The following DMD variants were observed in gnomAD, a reference collection of about 807,000 sequenced individuals.
DMD encodes dystrophin.
Under a neutral mutation model 330.1 loss-of-function variants are expected in DMD, and 63 were observed. That is an observed-to-expected ratio of 0.19 (90% CI 0.16 to 0.24). DMD has a LOEUF of 0.24. Ranked by LOEUF, DMD falls within the 10% of genes least tolerant of loss-of-function variation. The probability of loss-of-function intolerance (pLI) is 1.00; values close to 1 mark genes in which losing one functional copy is unlikely to be tolerated. For missense variants in DMD, 3,344 were observed against 2,684.1 expected, an observed-to-expected ratio of 1.25 and a Z score of -5.43; for synonymous variants, 1,223 against 959.8, an observed-to-expected ratio of 1.27 and a Z score of -5.07.
intron 55 of DMD, among the ~76,000 whole-genome samples, chrX:31,601,223 A>G (rs1603418922): frequency 8.9e-6 from 1 of 112,585 alleles, no homozygotes; most frequent in Non-Finnish European, 1.9e-5. Context: ...GTGTCTCAAC[A>G]CAAAACCAGT....
intron 67 of DMD, among the ~76,000 whole-genome samples, chrX:31,185,236 A>G (rs1237473802): frequency 8.9e-6 from 1 of 111,791 alleles, no homozygotes; most frequent in Non-Finnish European, 1.9e-5. Flanking sequence ...AGAGTCTTTA[A>G]TCAGCTGTGG....
chrX:32,573,643 A>G lies in DMD; in HGVS notation c.1705-6T>C. ...AGCCATGCACTAAAAAGGCACTGCA[A>G]GACATTAAAGAATTCCAAGGAATAA... On this transcript the variant is annotated splice_polypyrimidine_tract_variant and splice_region_variant and intron_variant, in intron 14 of 78. Coordinates refer to ENST00000357033, the MANE Select transcript of DMD (RefSeq NM_004006.3). The G allele has an allele frequency of 1.0e-5, 12 of 1,200,546 alleles. No homozygotes were observed. Among genetic ancestry groups the G allele is most frequent in the Non-Finnish European group, 1.4e-5 (12 of 885,067 alleles).
intron 2 of DMD, among the ~76,000 whole-genome samples, chrX:32,993,379 G>A (rs754679831): frequency 5.4e-5 from 6 of 110,390 alleles, no homozygotes; most frequent in African/African-American, 9.8e-5. Context: ...TGAGGCGGGC[G>A]GACTGCCTGA....
At chrX:32,677,701 TAGC>T (rs1185579430) in intron 9 of DMD, among the ~76,000 whole-genome samples, 1 of 111,621 alleles carries the variant, frequency 9.0e-6, no homozygotes, top group Non-Finnish European at 1.9e-5. Flanking sequence ...GATTTATACT[TAGC>T]AGCTCAATTT....
intron 56 of DMD, 59 bp downstream of exon 56, chrX:31,507,222 G>A: frequency 8.8e-7 from 1 of 1,132,900 alleles, no homozygotes; most frequent in South Asian, 1.8e-5. Context: ...CTAAGACAAT[G>A]AGGAAAATTT....
chrX:31,774,117 G>A lies in DMD; in HGVS notation c.7385C>T (p.Pro2462Leu), dbSNP rs2090513117. 8.3e-7 allele frequency: 1 copy of A among 1,210,844 alleles called. No individual in the cohort carries two copies. The highest frequency in any genetic ancestry group is 1.1e-6 in the Non-Finnish European group (1 of 895,054). ...KETAISKLEM[P>L]SSLMLEVPAL... The stretch of plus-strand genomic sequence containing the variant: ...AGGTACCTCCAACATCAAGGAAGAT[G>A]GCATTTCTAGTTTGGAGATGGCAGT... The change falls in exon 51 of 79, where the codon CCA becomes CTA. Residue 2462 changes from proline (P) to leucine (L), a missense_variant. Physicochemically the swap from Pro to Leu is moderately conservative, Grantham distance 98 (BLOSUM62 -3). Transcript: ENST00000357033.
At chrX:32,007,048 T>A (rs1314639872) in intron 44 of DMD, among the ~76,000 whole-genome samples, 5 of 70,605 alleles carry the variant, frequency 7.1e-5, no homozygotes, top group African/African-American at 2.3e-4. Context: ...AATGGGAACA[T>A]CACACTCTGG....
chrX:32,346,644 T>C (rs1032917344), intron 38 of DMD, among the ~76,000 whole-genome samples: 1 of 111,439 alleles, frequency 9.0e-6, no homozygotes, highest in Non-Finnish European at 1.9e-5. Context: ...TTAATAAAAA[T>C]CATGTGCTAA....
At chrX:31,889,616 CTCTG>C (rs1489451931) in intron 47 of DMD, among the ~76,000 whole-genome samples, 1 of 69,777 alleles carries the variant, frequency 1.4e-5, no homozygotes, top group African/African-American at 5.9e-5. Context: ...TAATCTCTCT[CTCTG>C]TCTCTCTCTC....
intron 1 of DMD, among the ~76,000 whole-genome samples, chrX:33,045,561 T>C (rs2094368487): frequency 9.0e-6 from 1 of 110,904 alleles, no homozygotes; most frequent in African/African-American, 3.3e-5. Flanking sequence ...TAAAAGTTTT[T>C]ACCTGCTCTA....
chrX:31,429,445 C>T (rs2063910018), intron 60 of DMD, among the ~76,000 whole-genome samples: 1 of 111,527 alleles, frequency 9.0e-6, no homozygotes, highest in Admixed American at 9.6e-5. Flanking sequence ...GGATCTTCGG[C>T]CAACAGCTGG....
Position 32,501,789 on chromosome X carries a change from T to A in DMD, c.2346A>T (p.Arg782Ser), listed in dbSNP as rs150692967. 7 of 1,208,021 alleles carry A rather than the reference T, an allele frequency of 5.8e-6. No individual in the cohort carries two copies. The African/African-American group carries it at 1.2e-4, about 21-fold the overall frequency. The change falls in exon 19 of 79, where the codon AGA becomes AGT. Residue 782 changes from arginine to serine, a missense_variant. Physicochemically the swap from Arg to Ser is moderately radical, Grantham distance 110 (BLOSUM62 -1). Transcript: ENST00000357033. ...TCTGTTCCACCAGGGCCTGAGCTGA[T>A]CTGCTGGCATCTTGCAGTTTTCTGA... ...EKFRKLQDAS[R>S]SAQALVEQMV...
intron 60 of DMD, among the ~76,000 whole-genome samples, chrX:31,382,238 G>A (rs769016427): frequency 2.7e-4 from 30 of 111,635 alleles, no homozygotes; most frequent in Non-Finnish European, 5.3e-4. Context: ...ATTCAGGCCT[G>A]TCCTCAGAAT....
rs35180404 is a variant in DMD at position 32,975,346 on chromosome X, CTTTTTTTTTTTTTT to C, written c.93+44779_93+44792del. ...TTTGCTTTTTAAACTTTAAAAAATG[CTTTTTTTTTTTTTT>C]TTTTTTTTTGAAACCCTGAAAAAGT... On this transcript the variant is annotated intron_variant, in intron 2 of 78. Coordinates refer to ENST00000357033, the MANE Select transcript of DMD (RefSeq NM_004006.3). 7.7e-4 allele frequency among the ~76,000 whole-genome samples: 50 copies of C among 64,769 alleles called. No individual in the cohort carries two copies. The East Asian group carries it at 0.024, about 31-fold the overall frequency. The allele number at this position is 64,769 out of a possible 115,157, so 56.2% of individuals were successfully genotyped here.
At chrX:32,501,084 G>A in intron 19 of DMD, among the ~76,000 whole-genome samples, 1 of 111,867 alleles carries the variant, frequency 8.9e-6, no homozygotes, top group Non-Finnish European at 1.9e-5. Context: ...TTGAAAGAAG[G>A]TTGTTTACAT....
At chrX:31,194,830 T>C (rs1339564970) in intron 67 of DMD, among the ~76,000 whole-genome samples, 2 of 111,664 alleles carry the variant, frequency 1.8e-5, no homozygotes, top group African/African-American at 6.5e-5. Flanking sequence ...GTGTGAAAAG[T>C]TCCCCAGGAT....
intron 65 of DMD, among the ~76,000 whole-genome samples, chrX:31,208,020 C>A (rs949299316): frequency 9.0e-6 from 1 of 111,639 alleles, no homozygotes; most frequent in African/African-American, 3.3e-5. Context: ...TAAAAAGTGT[C>A]TTTCAATAGT....
chrX:31,284,847 CA>C (rs1233108493), intron 62 of DMD, among the ~76,000 whole-genome samples: 3 of 106,597 alleles, frequency 2.8e-5, no homozygotes, highest in Non-Finnish European at 3.8e-5. Flanking sequence ...CACACACACA[CA>C]CACACACACA....
At chrX:33,211,571 C>A, upstream of DMD, 1 of 1,008,045 alleles carries the variant, frequency 9.9e-7, no homozygotes, top group East Asian at 4.0e-5. Context: ...GTAGAGGCCC[C>A]CGGATATTTC....
Sources: allele counts gnomAD v4.1 joint callset (sites outside exome capture counted in the v4.1 genomes callset), GRCh38; gene constraint gnomAD v4.1.1; transcripts MANE v1.5; gene names NCBI Gene and HGNC (gene_info 2026-07-23, HGNC 2026-07-21).